SEMA6A: variants seen among roughly 807,000 people sequenced by gnomAD.
SEMA6A encodes semaphorin 6A.
SEMA6A carries 25 observed loss-of-function variants against 96.8 expected under a neutral mutation model. That is an observed-to-expected ratio of 0.26 (90% CI 0.19 to 0.36). The LOEUF (loss-of-function observed/expected upper bound fraction) is 0.36, where lower values mean the gene tolerates loss of function less well. Among genes scored for constraint, SEMA6A ranks in the 10% least tolerant of loss-of-function variants. The probability of loss-of-function intolerance (pLI) is 1.00; values close to 1 mark genes in which losing one functional copy is unlikely to be tolerated. For missense variants in SEMA6A, 1,363 were observed against 1,323.1 expected (o/e 1.03, Z -0.47); for synonymous variants, 612 against 518.0 (o/e 1.18, Z -2.46).
At chr5:116,554,550 A>G (rs553605445) in intron 1 of SEMA6A, among the ~76,000 whole-genome samples, 2 of 152,386 alleles carry the variant, frequency 1.3e-5, no homozygotes, top group African/African-American at 4.8e-5. Flanking sequence ...AACAATTTGT[A>G]TAAAGTATTT....
At chr5:116,535,591 C>G (rs1468495661) in intron 1 of SEMA6A, among the ~76,000 whole-genome samples, 2 of 152,150 alleles carry the variant, frequency 1.3e-5, no homozygotes, top group Non-Finnish European at 2.9e-5. Context: ...CAAAGAATCA[C>G]CATTTATAAT....
intron 2 of SEMA6A, 195 bp from the exon 3 acceptor site, chr5:116,502,522 C>T: frequency 1.9e-6 from 1 of 522,822 alleles, no homozygotes; most frequent in Admixed American, 3.4e-5. Context: ...CATCAAGTTA[C>T]ACTTTCATTT....
intron 18 of SEMA6A, among the ~76,000 whole-genome samples, chr5:116,459,763 C>G (rs1007287299): frequency 5.3e-5 from 8 of 152,140 alleles, no homozygotes; most frequent in African/African-American, 1.4e-4. Flanking sequence ...CCCTTACTGT[C>G]AGACTTCACT....
chr5:116,540,298 C>T (rs1001442695), intron 1 of SEMA6A, among the ~76,000 whole-genome samples: 16 of 152,186 alleles, frequency 1.1e-4, no homozygotes, highest in African/African-American at 1.9e-4. Context: ...GTAAAAATTA[C>T]GGTAAATGCA....
rs185988225 is a variant in SEMA6A at position 116,543,025 on chromosome 5, A to G, written c.-39+31160T>C. On this transcript the variant is annotated intron_variant, in intron 1 of 18. Transcript: ENST00000343348. The stretch of plus-strand genomic sequence containing the variant: ...TGAATACTCACAGAGCTCAAATAGC[A>G]TATCATAAAGTTGAAGAATTTTTTT... Among the ~76,000 whole-genome samples the G allele has an allele frequency of 2.1e-3, 317 of 152,294 alleles. 2 individuals carry two copies. Among genetic ancestry groups the G allele is most frequent in the African/African-American group, 7.1e-3 (295 of 41,560 alleles).
chr5:116,512,673 G>A lies in SEMA6A; in HGVS notation c.-38-7691C>T, dbSNP rs114585106. On this transcript the variant is annotated intron_variant, in intron 1 of 18. Transcript: ENST00000343348. ...TCTTTCAGATGATTCTGTTATGTTC[G>A]TTTTCTTTCTCTCTACCCACCACCC... Among the ~76,000 whole-genome samples the A allele has an allele frequency of 2.3e-3, 356 of 152,190 alleles. 1 individual carries two copies. Among genetic ancestry groups the A allele is most frequent in the African/African-American group, 7.9e-3 (328 of 41,504 alleles).
At chr5:116,547,671 A>T (rs574388080) in intron 1 of SEMA6A, among the ~76,000 whole-genome samples, 1 of 147,080 alleles carries the variant, frequency 6.8e-6, no homozygotes, top group Admixed American at 7.1e-5. Context: ...CTGGCCAATA[A>T]TGTCTTTGGA....
At chr5:116,548,832 A>G (rs1005236381) in intron 1 of SEMA6A, among the ~76,000 whole-genome samples, 2 of 152,234 alleles carry the variant, frequency 1.3e-5, no homozygotes, top group Admixed American at 6.5e-5. Flanking sequence ...TTTAAACGCT[A>G]TGCTTAAATG....
At chr5:116,552,150 C>T (rs546283944) in intron 1 of SEMA6A, among the ~76,000 whole-genome samples, 1 of 152,336 alleles carries the variant, frequency 6.6e-6, no homozygotes, top group African/African-American at 2.4e-5. Context: ...CTTGTTCTTG[C>T]TCTTTAAAAT....
chr5:116,444,324 C>T lies in SEMA6A; in HGVS notation c.*2289G>A, dbSNP rs1754057171. ...TTGGAACAAAGGGCTCTCACCCACC[C>T]TCAGCTAAGTACTCAGGTCTGAAGG... On this transcript the variant is annotated 3_prime_UTR_variant, in exon 19 of 19. Transcript: ENST00000343348. The T allele has an allele frequency of 6.6e-6, 1 of 152,154 alleles. No individual in the cohort carries two copies. The highest frequency in any genetic ancestry group is 2.1e-4 in the South Asian group (1 of 4,824). 9.4% of individuals were successfully genotyped at this position (152,154 alleles called of 1,614,324 possible).
At chr5:116,476,405 G>A (rs900593868) in intron 15 of SEMA6A, among the ~76,000 whole-genome samples, 9 of 152,180 alleles carry the variant, frequency 5.9e-5, no homozygotes, top group African/African-American at 1.9e-4. Flanking sequence ...GAGCCGTATA[G>A]GAAAACTATT....
At chr5:116,506,115 A>T (rs1040626828) in intron 1 of SEMA6A, among the ~76,000 whole-genome samples, 1 of 150,512 alleles carries the variant, frequency 6.6e-6, no homozygotes, top group African/African-American at 2.5e-5. Context: ...AGTAACCTAG[A>T]TGTCTTTGAA....
intron 1 of SEMA6A, among the ~76,000 whole-genome samples, chr5:116,561,171 T>C (rs1274339088): frequency 1.3e-5 from 2 of 152,206 alleles, no homozygotes; most frequent in Non-Finnish European, 2.9e-5. Context: ...CTATCCTGCC[T>C]AACCTAGAGG....
intron 10 of SEMA6A, among the ~76,000 whole-genome samples, chr5:116,484,066 G>GAAA (rs542325007): frequency 1.2e-4 from 12 of 99,904 alleles, no homozygotes; most frequent in African/African-American, 1.7e-4. Context: ...TCTGTCTGAA[G>GAAA]AAAAAAAAAA....
At chr5:116,478,179 T>C (rs759363422) in intron 13 of SEMA6A, 25 bp from the exon 14 acceptor site, 8 of 1,612,408 alleles carry the variant, frequency 5.0e-6, no homozygotes, top group South Asian at 3.3e-5. Flanking sequence ...CAAGATAATA[T>C]CATTAATAGA....
Position 116,482,464 on chromosome 5 carries a change from A to G in SEMA6A, c.1074T>C (p.Asp358=), listed in dbSNP as rs1756833219. 1 of 1,613,346 alleles carries G rather than the reference A, an allele frequency of 6.2e-7. No homozygotes were observed. The highest frequency in any genetic ancestry group is 1.3e-5 in the African/African-American group (1 of 74,912). ...SPDSTWTPVP[D]ERVPKPRPGC... ...CATACCTGGGCTTAGGAACTCGTTC[A>G]TCAGGAACTGGTGTCCAGGTGGAAT... The change falls in exon 11 of 19, where the codon GAT becomes GAC. Residue 358 remains aspartate, a synonymous_variant. Coordinates refer to ENST00000343348, the MANE Select transcript of SEMA6A (RefSeq NM_020796.5).
chr5:116,565,830 A>G (rs1761002611), intron 1 of SEMA6A, among the ~76,000 whole-genome samples: 1 of 152,194 alleles, frequency 6.6e-6, no homozygotes, highest in South Asian at 2.1e-4. Context: ...TTTTTTGTAA[A>G]GCATTCCATT....
chr5:116,536,365 A>G (rs912382703), intron 1 of SEMA6A: 2 of 152,152 alleles, frequency 1.3e-5, no homozygotes, highest in Non-Finnish European at 2.9e-5. Flanking sequence ...AAATAGATGA[A>G]GCTAACCAGA....
At chr5:116,520,431 C>G (rs1426160487) in intron 1 of SEMA6A, among the ~76,000 whole-genome samples, 2 of 151,966 alleles carry the variant, frequency 1.3e-5, no homozygotes, top group Non-Finnish European at 1.5e-5. Context: ...GTCTAATGTA[C>G]AGTAAACTCT....
Sources: gnomAD v4.1 joint callset for allele counts (sites outside exome capture counted in the v4.1 genomes callset) on GRCh38, gnomAD v4.1.1 for gene constraint, MANE v1.5 for transcripts, NCBI Gene and HGNC (gene_info 2026-07-23, HGNC 2026-07-21) for gene names.